CCDC73: variants seen among roughly 807,000 people sequenced by gnomAD.
CCDC73 encodes coiled-coil domain containing 73.
CCDC73 carries 95 observed loss-of-function variants against 116.5 expected under a neutral mutation model. The observed-to-expected ratio is 0.82, with a 90% CI of 0.69 to 0.97. The LOEUF is 0.97. Among genes scored for constraint, CCDC73 ranks in the 50% least tolerant of loss-of-function variants. The probability of loss-of-function intolerance (pLI) is 0.00; values close to 1 mark genes in which losing one functional copy is unlikely to be tolerated. For synonymous variants in CCDC73, 398 were observed against 401.3 expected, an observed-to-expected ratio of 0.99 and a Z score of 0.10; for missense variants, 1,066 against 1,206.8, an observed-to-expected ratio of 0.88 and a Z score of 1.73.
chr11:32,796,240 G>A (rs934445694), upstream of CCDC73, among the ~76,000 whole-genome samples: 1 of 152,166 alleles, frequency 6.6e-6, no homozygotes. Flanking sequence ...TGAAAACAGA[G>A]ATGAATTTTG....
At chr11:32,629,286 T>C (rs543084193) in intron 14 of CCDC73, among the ~76,000 whole-genome samples, 1 of 152,096 alleles carries the variant, frequency 6.6e-6, no homozygotes, top group Non-Finnish European at 1.5e-5. Context: ...GAAAACTATA[T>C]ATAGCCAAGA....
chr11:32,679,121 T>C (rs768352350), intron 7 of CCDC73, among the ~76,000 whole-genome samples: 4 of 152,120 alleles, frequency 2.6e-5, no homozygotes, highest in Non-Finnish European at 5.9e-5. Flanking sequence ...TATTTAATTG[T>C]GCAGCAGTTA....
rs1027921136 is a variant in CCDC73, at chr11:32,774,052, T to G, written c.-15-13794A>C. ...AGAAAGTAAGGATTCCACAGTTCAA[T>G]GAGAAGATTTTTACTTAATTTTCAT... On this transcript the variant is annotated intron_variant, in intron 1 of 17. Coordinates refer to ENST00000335185, the MANE Select transcript of CCDC73 (RefSeq NM_001008391.4). Among the ~76,000 whole-genome samples, 5 of 152,160 alleles carry G rather than the reference T, an allele frequency of 3.3e-5. No homozygotes were observed. The East Asian group carries it at 7.7e-4, about 23-fold the overall frequency.
chr11:32,704,029 G>A (rs891957962), intron 3 of CCDC73, among the ~76,000 whole-genome samples: 3 of 152,204 alleles, frequency 2.0e-5, no homozygotes, highest in African/African-American at 7.2e-5. Context: ...TGCCACCACT[G>A]TGAGGATGCC....
chr11:32,819,467 G>GTTT, the CCDC73 span, among the ~76,000 whole-genome samples: 4 of 148,618 alleles, frequency 2.7e-5, no homozygotes, highest in Non-Finnish European at 3.0e-5. Flanking sequence ...GCAATAAGAG[G>GTTT]TTTTTTTTTT....
the CCDC73 span, among the ~76,000 whole-genome samples, chr11:32,817,846 A>G: frequency 6.6e-6 from 1 of 152,204 alleles, no homozygotes; most frequent in Non-Finnish European, 1.5e-5. Context: ...CCATATCATA[A>G]TAGTCCAGTG....
At chr11:32,736,537 A>G (rs1850130475) in intron 2 of CCDC73, among the ~76,000 whole-genome samples, 1 of 152,186 alleles carries the variant, frequency 6.6e-6, no homozygotes, top group South Asian at 2.1e-4. Context: ...ACGTGGAGAA[A>G]TAGGAACACT....
At chr11:32,794,376 G>A (rs1850704574) in intron 1 of CCDC73, 1 of 152,386 alleles carries the variant, frequency 6.6e-6, no homozygotes, top group Admixed American at 6.5e-5. Context: ...CCCAAGCAGA[G>A]ATCCAGATGG....
intron 17 of CCDC73, among the ~76,000 whole-genome samples, chr11:32,607,162 G>A (rs1303307156): frequency 7.6e-6 from 1 of 131,886 alleles, no homozygotes; most frequent in Non-Finnish European, 1.5e-5. Flanking sequence ...GCGGGATCTC[G>A]GCTCACTGCA....
intron 5 of CCDC73, 36 bp from the exon 6 acceptor site, chr11:32,699,361 T>C (rs1849788625): frequency 3.3e-6 from 5 of 1,496,212 alleles, no homozygotes; most frequent in Admixed American, 2.0e-5. Flanking sequence ...TACTTTCCAA[T>C]GTAAATAATA....
chr11:32,664,031 C>G (rs1490430244), intron 9 of CCDC73, among the ~76,000 whole-genome samples: 4 of 152,108 alleles, frequency 2.6e-5, no homozygotes, highest in African/African-American at 9.7e-5. Flanking sequence ...GGATGAAGCC[C>G]AGTTGATCAT....
chr11:32,639,034 G>C (rs1855707161), intron 13 of CCDC73, among the ~76,000 whole-genome samples: 1 of 151,442 alleles, frequency 6.6e-6, no homozygotes, highest in African/African-American at 2.4e-5. Flanking sequence ...TGTAGTCCCA[G>C]CTACTCGGGA....
At chr11:32,818,202 T>A in the CCDC73 span, among the ~76,000 whole-genome samples, 1 of 152,258 alleles carries the variant, frequency 6.6e-6, no homozygotes, top group Non-Finnish European at 1.5e-5. Context: ...TTGGCTTTGT[T>A]TGGTTACTTG....
chr11:32,703,480 A>C (rs1849830110), intron 3 of CCDC73, among the ~76,000 whole-genome samples: 1 of 152,190 alleles, frequency 6.6e-6, no homozygotes, highest in Non-Finnish European at 1.5e-5. Context: ...ATTGCTTCTA[A>C]AACTTTTAAA....
chr11:32,824,491 T>C, the CCDC73 span, among the ~76,000 whole-genome samples: 1 of 152,054 alleles, frequency 6.6e-6, no homozygotes, highest in African/African-American at 2.4e-5. Flanking sequence ...TCAGAAGAGG[T>C]AGAGAGAATT....
intron 2 of CCDC73, among the ~76,000 whole-genome samples, chr11:32,731,159 C>A (rs934666938): frequency 2.0e-5 from 3 of 152,236 alleles, no homozygotes; most frequent in East Asian, 3.8e-4. Context: ...CCCACACCCA[C>A]GGAGCTTGGC....
rs1200566633 is a variant in CCDC73, at chr11:32,616,025, A to G, written c.1290T>C (p.Asn430=). The G allele has an allele frequency of 4.4e-6, 7 of 1,601,750 alleles. No individual in the cohort carries two copies. Among genetic ancestry groups the G allele is most frequent in the Non-Finnish European group, 6.0e-6 (7 of 1,174,740 alleles). ...YNTEQEIREE[N]MENFCSDTEY... is the part of the protein sequence containing the mutation. ...CAGTATCTGAACAAAAATTCTCCATATTTTCTTCCCTTATTTCTTGCTCAG... is the reference window on the plus strand; with the variant it reads ...CAGTATCTGAACAAAAATTCTCCATGTTTTCTTCCCTTATTTCTTGCTCAG... The change falls in exon 15 of 18, where the codon AAT becomes AAC. Residue 430 remains asparagine, a synonymous_variant. Coordinates refer to ENST00000335185, the MANE Select transcript of CCDC73 (RefSeq NM_001008391.4).
At chr11:32,733,547 A>G (rs1370215549) in intron 2 of CCDC73, among the ~76,000 whole-genome samples, 1 of 152,196 alleles carries the variant, frequency 6.6e-6, no homozygotes, top group Non-Finnish European at 1.5e-5. Flanking sequence ...AATGTAAGAG[A>G]ACAGAAATTA....
intron 2 of CCDC73, among the ~76,000 whole-genome samples, chr11:32,739,076 A>G (rs1227828689): frequency 6.6e-6 from 1 of 152,146 alleles, no homozygotes; most frequent in African/African-American, 2.4e-5. Flanking sequence ...TGCCAGTACC[A>G]TGCTGTTTTG....
Sources: gnomAD v4.1 joint callset for allele counts (sites outside exome capture counted in the v4.1 genomes callset) on GRCh38, gnomAD v4.1.1 for gene constraint, MANE v1.5 for transcripts, NCBI Gene and HGNC (gene_info 2026-07-23, HGNC 2026-07-21) for gene names.